MND1: variants seen among roughly 807,000 people sequenced by gnomAD.
MND1 encodes meiotic nuclear divisions 1.
In MND1, 28 loss-of-function variants were observed where a neutral mutation model predicts 35.1. That is an observed-to-expected ratio of 0.80 (90% confidence interval 0.59 to 1.09). The LOEUF (loss-of-function observed/expected upper bound fraction) is 1.09. MND1 is among the 50% of genes least tolerant of loss of function. MND1 has a pLI of 0.00. For missense variants in MND1, 213 were observed against 239.6 expected (o/e 0.89, Z 0.73); for synonymous variants, 69 against 70.5 (o/e 0.98, Z 0.11).
intron 4 of MND1, among the ~76,000 whole-genome samples, chr4:153,368,972 C>T (rs1240865285): frequency 6.6e-6 from 1 of 152,212 alleles, no homozygotes; most frequent in South Asian, 2.1e-4. Context: ...CCCAGCATGG[C>T]TTAGTTGGGT....
At chr4:153,391,613 G>C (rs950300933) in intron 4 of MND1, among the ~76,000 whole-genome samples, 1 of 151,670 alleles carries the variant, frequency 6.6e-6, no homozygotes, top group Non-Finnish European at 1.5e-5. Flanking sequence ...TGTAATCCCA[G>C]CTACTCCAGA....
At chr4:153,363,248 G>A (rs1322733055) in intron 4 of MND1, among the ~76,000 whole-genome samples, 5 of 145,878 alleles carry the variant, frequency 3.4e-5, no homozygotes, top group African/African-American at 1.3e-4. Context: ...TTTCGCTCTT[G>A]TCACCCAGGC....
intron 6 of MND1, among the ~76,000 whole-genome samples, chr4:153,408,529 A>C (rs1729584896): frequency 6.6e-6 from 1 of 151,852 alleles, no homozygotes; most frequent in African/African-American, 2.4e-5. Context: ...TATCCCTAAA[A>C]TTTTTTTTAG....
intron 6 of MND1, among the ~76,000 whole-genome samples, chr4:153,399,820 A>G (rs931233716): frequency 6.6e-6 from 1 of 150,744 alleles, no homozygotes; most frequent in African/African-American, 2.4e-5. Flanking sequence ...GTGAATGAGT[A>G]TTATGAGTAT....
Position 153,414,773 on chromosome 4 carries a change from T to G in MND1, c.534T>G (p.Ser178=). 6.5e-7 allele frequency: 1 copy of G among 1,534,652 alleles called. No homozygotes were observed. The highest frequency in any genetic ancestry group is 8.8e-7 in the Non-Finnish European group (1 of 1,131,080). ...RWTDNIFAIK[S]WAKRKFGFEE... ...TAGATAACATATTCGCAATAAAATC[T>G]TGGGCCAAAAGAAAATTTGGGTTTG... The change falls in exon 8 of 8, where the codon TCT becomes TCG. Residue 178 remains serine, a synonymous_variant. Transcript: ENST00000240488.
intron 4 of MND1, among the ~76,000 whole-genome samples, chr4:153,366,573 A>G (rs1773642012): frequency 6.6e-6 from 1 of 152,236 alleles, no homozygotes; most frequent in Non-Finnish European, 1.5e-5. Flanking sequence ...CAACGGCTTC[A>G]CTAATCTCAC....
chr4:153,349,415 C>G (rs905674305), intron 1 of MND1, among the ~76,000 whole-genome samples: 7 of 152,134 alleles, frequency 4.6e-5, no homozygotes, highest in African/African-American at 9.7e-5. Context: ...TCAGCAGCTC[C>G]TCATTGTCTA....
At chr4:153,345,226 G>T in intron 1 of MND1, 1 of 577,206 alleles carries the variant, frequency 1.7e-6, no homozygotes, top group Non-Finnish European at 2.2e-6. Flanking sequence ...GGGAGCGAAC[G>T]TCTTGATCCC....
chr4:153,345,540 G>A (rs1349201058), intron 1 of MND1: 1 of 985,238 alleles, frequency 1.0e-6, no homozygotes, highest in Admixed American at 6.1e-5. Flanking sequence ...ACGTCTTTCT[G>A]CTCATCAAAT....
chr4:153,367,486 C>G (rs1464272601), intron 4 of MND1, among the ~76,000 whole-genome samples: 1 of 152,156 alleles, frequency 6.6e-6, no homozygotes, highest in East Asian at 1.9e-4. Context: ...TGTTTCAGTA[C>G]TTCATTACTT....
intron 4 of MND1, among the ~76,000 whole-genome samples, chr4:153,374,175 C>CCTG (rs1403452207): frequency 6.6e-6 from 1 of 152,152 alleles, no homozygotes; most frequent in African/African-American, 2.4e-5. Flanking sequence ...TTTAGGCAGT[C>CCTG]AGTATATGGT....
chr4:153,393,924 CTTTTTTT>C (rs36028750), intron 4 of MND1, among the ~76,000 whole-genome samples: 17 of 56,468 alleles, frequency 3.0e-4, no homozygotes, highest in African/African-American at 1.0e-3. Flanking sequence ...ACTTTGTTTT[CTTTTTTT>C]TTTTTTTTTT....
chr4:153,381,314 G>C (rs752495434), intron 4 of MND1, among the ~76,000 whole-genome samples: 6 of 151,932 alleles, frequency 3.9e-5, no homozygotes, highest in Non-Finnish European at 7.4e-5. Context: ...CTATTTGGTA[G>C]ATGAACCTGA....
At chr4:153,356,409 C>T (rs747929002) in intron 3 of MND1, among the ~76,000 whole-genome samples, 3 of 151,824 alleles carry the variant, frequency 2.0e-5, no homozygotes, top group East Asian at 1.9e-4. Flanking sequence ...AAATCTTAGC[C>T]GGGCGTGGTG....
chr4:153,390,865 C>T (rs573452365), intron 4 of MND1, among the ~76,000 whole-genome samples: 12 of 147,256 alleles, frequency 8.1e-5, no homozygotes, highest in Middle Eastern at 3.4e-3. Context: ...AGAACCAGCC[C>T]GTCTCAAAAA....
At chr4:153,380,963 G>A (rs906360432) in intron 4 of MND1, among the ~76,000 whole-genome samples, 6 of 151,670 alleles carry the variant, frequency 4.0e-5, no homozygotes, top group Middle Eastern at 3.4e-3. Context: ...ACAGTGGTGC[G>A]ATCTCGGCTC....
At chr4:153,346,254 G>C (rs951904403) in intron 1 of MND1, among the ~76,000 whole-genome samples, 1 of 152,188 alleles carries the variant, frequency 6.6e-6, no homozygotes, top group Non-Finnish European at 1.5e-5. Context: ...GAGCAGCAGT[G>C]ATGTCTACTT....
At chr4:153,354,338 T>A (rs997479593) in intron 2 of MND1, among the ~76,000 whole-genome samples, 2 of 152,252 alleles carry the variant, frequency 1.3e-5, no homozygotes, top group African/African-American at 2.4e-5. Context: ...GACAGTTGCC[T>A]GTTTCGCTTT....
intron 1 of MND1, 54 bp downstream of exon 1, chr4:153,344,794 C>T: frequency 6.3e-7 from 1 of 1,585,802 alleles, no homozygotes; most frequent in East Asian, 2.4e-5. Context: ...GTGTGGGCTT[C>T]GCCGCCCCTC....
Sources: gnomAD v4.1 joint callset for allele counts (sites outside exome capture counted in the v4.1 genomes callset) on GRCh38, gnomAD v4.1.1 for gene constraint, MANE v1.5 for transcripts, NCBI Gene and HGNC (gene_info 2026-07-23, HGNC 2026-07-21) for gene names.